The following RBM48 variants were observed in gnomAD, a reference collection of about 807,000 sequenced individuals.
RBM48 encodes the protein RNA-binding protein 48.
Under a neutral mutation model 34.8 loss-of-function variants are expected in RBM48, and 32 were observed. That is an observed-to-expected ratio of 0.92 (90% confidence interval 0.69 to 1.23). The LOEUF is 1.23. Ranked by LOEUF, RBM48 falls within the 50% of genes most tolerant of loss-of-function variation. The pLI is 0.00. For synonymous variants in RBM48, 151 were observed against 156.2 expected, an observed-to-expected ratio of 0.97 and a Z score of 0.25; for missense variants, 441 against 447.2, an observed-to-expected ratio of 0.99 and a Z score of 0.12.
intron 3 of RBM48, 171 bp from the exon 4 acceptor site, chr7:92,534,231 G>A (rs577966359): frequency 9.5e-4 from 921 of 969,680 alleles, no homozygotes; most frequent in Non-Finnish European, 1.2e-3. Flanking sequence ...CTTTTTATCC[G>A]TTTTAGGTTT....
In RBM48 at chr7:92,539,426, G is replaced by A. The variant is rs1793806036; in HGVS notation, c.*2489G>A. 6.6e-6 allele frequency among the ~76,000 whole-genome samples: 1 copy of A among 152,198 alleles called. No homozygotes were observed. Among genetic ancestry groups the A allele is most frequent in the African/African-American group, 2.4e-5 (1 of 41,438 alleles). On this transcript the variant is annotated 3_prime_UTR_variant, in exon 5 of 5. Coordinates refer to ENST00000265732, the MANE Select transcript of RBM48 (RefSeq NM_032120.4). Reference sequence around the variant, plus strand: ...ATTTCCATATAGGTTATTATTTTGGGCACAGTGGCTCATGCCTATAATCCC... The same window carrying A: ...ATTTCCATATAGGTTATTATTTTGGACACAGTGGCTCATGCCTATAATCCC...
At chr7:92,535,797 A>G in intron 4 of RBM48, 1 of 979,006 alleles carries the variant, frequency 1.0e-6, no homozygotes, top group African/African-American at 1.7e-5. Context: ...GTATTATTTA[A>G]TAATAATTAA....
chr7:92,537,542 A>G lies in RBM48; in HGVS notation c.*605A>G, dbSNP rs186855639. On this transcript the variant is annotated 3_prime_UTR_variant, in exon 5 of 5. Coordinates refer to ENST00000265732, the MANE Select transcript of RBM48 (RefSeq NM_032120.4). ...TTTCCAATTATAATACAAGTATTGA[A>G]TGAACCATTGAAACACTAGAAGTCA... 26 of 152,380 alleles carry G rather than the reference A, an allele frequency of 1.7e-4. No individual in the cohort carries two copies. The highest frequency in any genetic ancestry group is 6.5e-4 in the Admixed American group (10 of 15,302). 9.4% of individuals were successfully genotyped at this position (152,380 alleles called of 1,614,324 possible). A position where few individuals can be genotyped will look rare whatever the true frequency, so the allele number is the denominator to read the frequency against.
chr7:92,538,151 C>A lies in RBM48; in HGVS notation c.*1214C>A, dbSNP rs945762112. 3.3e-5 allele frequency: 5 copies of A among 152,178 alleles called. No homozygotes were observed. The highest frequency in any genetic ancestry group is 5.9e-5 in the Non-Finnish European group (4 of 68,032). The allele number at this position is 152,178 out of a possible 1,614,324, so 9.4% of individuals were successfully genotyped here. On this transcript the variant is annotated 3_prime_UTR_variant, in exon 5 of 5. Coordinates refer to ENST00000265732, the MANE Select transcript of RBM48 (RefSeq NM_032120.4). ...AGCTGCAGACAAAACCCCGCAGACA[C>A]CAGGTTATAGAAAGAAGAGGCTTTA...
At chr7:92,532,226 G>A (rs182568571) in intron 2 of RBM48, among the ~76,000 whole-genome samples, 178 bp from the exon 3 acceptor site, 3 of 152,142 alleles carry the variant, frequency 2.0e-5, no homozygotes, top group East Asian at 1.9e-4. Flanking sequence ...GTACATACTC[G>A]ATCAATGGGA....
Position 92,534,787 on chromosome 7 carries a change from A to G in RBM48, c.834A>G (p.Thr278=). 2 of 1,614,200 alleles carry G rather than the reference A, an allele frequency of 1.2e-6. No homozygotes were observed. The highest frequency in any genetic ancestry group is 1.7e-6 in the Non-Finnish European group (2 of 1,180,016). Residue 278 remains threonine (T), a synonymous_variant, in exon 4 of 5, where the codon ACA becomes ACG. Transcript: ENST00000265732. ...SEAVDRFMPR[T]TQLQERKRRR... ...CAGTTGACAGATTTATGCCTAGGACAACACAACTGCAGGAGCGCAAAAGAA... is the reference window on the plus strand; with the variant it reads ...CAGTTGACAGATTTATGCCTAGGACGACACAACTGCAGGAGCGCAAAAGAA...
At position 92,534,436 on chromosome 7, in the gene RBM48, G is replaced by A; in HGVS notation, c.483G>A (p.Glu161=). Residue 161 remains glutamate, a synonymous_variant, in exon 4 of 5, where the codon GAG becomes GAA. Coordinates refer to ENST00000265732, the MANE Select transcript of RBM48 (RefSeq NM_032120.4). ...HYVTKKKLVT[E]HKDTEDFRQD... ...TGACAAAGAAGAAATTGGTTACAGA[G>A]CATAAAGACACAGAGGATTTTAGAC... is the stretch of plus-strand genomic sequence containing the variant. The A allele has an allele frequency of 6.2e-7, 1 of 1,613,616 alleles. No individual in the cohort carries two copies. The highest frequency in any genetic ancestry group is 8.5e-7 in the Non-Finnish European group (1 of 1,179,772).
intron 4 of RBM48, chr7:92,536,445 T>C: frequency 1.0e-6 from 1 of 986,538 alleles, no homozygotes; most frequent in Non-Finnish European, 1.2e-6. Context: ...AAATTGAGGA[T>C]TATACTGCTT....
Position 92,540,015 on chromosome 7 carries a change from A to T in RBM48, c.*3078A>T, listed in dbSNP as rs1793824393. Among the ~76,000 whole-genome samples the T allele has an allele frequency of 6.6e-6, 1 of 152,240 alleles. No individual in the cohort carries two copies. The highest frequency in any genetic ancestry group is 1.5e-5 in the Non-Finnish European group (1 of 68,032). ...GGATTTGGTTTGGGAAATACACCAT[A>T]CTTACAGGAAACAGGAATTGTCTAT... On this transcript the variant is annotated 3_prime_UTR_variant, in exon 5 of 5. Coordinates refer to ENST00000265732, the MANE Select transcript of RBM48 (RefSeq NM_032120.4).
intron 4 of RBM48, chr7:92,536,022 T>C (rs763799817): frequency 3.2e-5 from 13 of 400,012 alleles, no homozygotes; most frequent in Non-Finnish European, 4.4e-5. Flanking sequence ...TTGTAGCTAC[T>C]TGGGAAGCTT....
intron 4 of RBM48, chr7:92,536,188 G>C: frequency 2.0e-6 from 2 of 985,330 alleles, no homozygotes; most frequent in Non-Finnish European, 2.4e-6. Context: ...AGTTACAGCT[G>C]AACTGAGGCA....
rs377641940 is a variant in RBM48 at position 92,536,832 on chromosome 7, C to CTTT, written c.1018-9_1018-7dup. 2 of 1,154,794 alleles carry CTTT rather than the reference C, an allele frequency of 1.7e-6. No individual in the cohort carries two copies. 71.5% of individuals were successfully genotyped at this position (1,154,794 alleles called of 1,614,324 possible). On this transcript the variant is annotated intron_variant, in intron 4 of 4. Transcript: ENST00000265732. ...CTATAGAAACTAAGTTTTAATGGTTCTTTTTTTTTTTTAATTAGGTAATTT... is the reference window on the plus strand; with the variant it reads ...CTATAGAAACTAAGTTTTAATGGTTCTTTTTTTTTTTTTTTAATTAGGTAATTT...
intron 4 of RBM48, 35 bp from the exon 5 acceptor site, chr7:92,536,816 C>T (rs1346168816): frequency 1.9e-6 from 3 of 1,542,562 alleles, no homozygotes; most frequent in South Asian, 1.3e-5. Flanking sequence ...GCTATAGAAA[C>T]TAAGTTTTAA....
chr7:92,534,268 CAAG>C, intron 3 of RBM48, 131 bp from the exon 4 acceptor site: 1 of 1,312,914 alleles, frequency 7.6e-7, no homozygotes, highest in Non-Finnish European at 1.1e-6. Flanking sequence ...ATACCCTTCT[CAAG>C]AAATGATTTT....
rs567698923 is a variant in RBM48, at chr7:92,537,084, A to G, written c.*147A>G. 18 of 613,252 alleles carry G rather than the reference A, an allele frequency of 2.9e-5. No homozygotes were observed. Among genetic ancestry groups the G allele is most frequent in the Admixed American group, 7.2e-5 (2 of 27,912 alleles). 38.0% of individuals were successfully genotyped at this position (613,252 alleles called of 1,614,324 possible). ...TCATTCAAGCCATTTGTCTAAAGTC[A>G]TTTCTTTGTTTTTTGGGAGATGGAG... On this transcript the variant is annotated 3_prime_UTR_variant, in exon 5 of 5. Transcript: ENST00000265732.
intron 2 of RBM48, 72 bp from the exon 3 acceptor site, chr7:92,532,332 T>C: frequency 7.8e-7 from 1 of 1,290,256 alleles, no homozygotes; most frequent in Non-Finnish European, 1.1e-6. Flanking sequence ...ATCCAGATAT[T>C]GCATACTAGT....
At chr7:92,529,780 G>A (rs1232990173) in intron 2 of RBM48, 114 bp downstream of exon 2, 18 of 610,742 alleles carry the variant, frequency 2.9e-5, no homozygotes, top group South Asian at 1.3e-4. Context: ...ACGTAATCTA[G>A]CATATCTTCC....
chr7:92,535,663 T>C (rs1793693637), intron 4 of RBM48: 1 of 985,118 alleles, frequency 1.0e-6, no homozygotes, highest in Non-Finnish European at 1.2e-6. Context: ...CTCTTATACT[T>C]ACTCCAAGAT....
At position 92,535,664 on chromosome 7, in the gene RBM48, A is replaced by G. The variant is rs147983680; in HGVS notation, c.1017+694A>G. 27 of 984,878 alleles carry G rather than the reference A, an allele frequency of 2.7e-5. No homozygotes were observed. In the African/African-American group the frequency reaches 4.4e-4, roughly 16 times the overall value. 61.0% of individuals were successfully genotyped at this position (984,878 alleles called of 1,614,324 possible). ...AGGGTTATGACATTCTCTTATACTT[A>G]CTCCAAGATGCAGAAACTGCTTTTC... On this transcript the variant is annotated intron_variant, in intron 4 of 4. Transcript: ENST00000265732.
Sources: gnomAD v4.1 joint callset for allele counts (sites outside exome capture counted in the v4.1 genomes callset) on GRCh38, gnomAD v4.1.1 for gene constraint, MANE v1.5 for transcripts, NCBI Gene and HGNC (gene_info 2026-07-23, HGNC 2026-07-21) for gene names.